Variants in MGAT4C observed in about 807,000 individuals in gnomAD.
The protein encoded by MGAT4C is MGAT4 family member C.
In MGAT4C, 19 loss-of-function variants were observed where a neutral mutation model predicts 40.1. That is an observed-to-expected ratio of 0.47 (90% CI 0.33 to 0.70). The LOEUF (loss-of-function observed/expected upper bound fraction) is 0.70, where lower values mean the gene tolerates loss of function less well. Ranked by LOEUF, MGAT4C falls within the 30% of genes least tolerant of loss-of-function variation. The pLI is 0.02. For synonymous variants in MGAT4C, 181 were observed against 187.1 expected (o/e 0.97, Z 0.27); for missense variants, 491 against 563.2 (o/e 0.87, Z 1.30).
At chr12:86,655,258 T>A (rs1963816250) in intron 2 of MGAT4C, among the ~76,000 whole-genome samples, 1 of 152,014 alleles carries the variant, frequency 6.6e-6, no homozygotes, top group African/African-American at 2.4e-5. Flanking sequence ...TGGTAATTCC[T>A]CAAGGATCTA....
rs1314250382 is a variant in MGAT4C at position 86,764,003 on chromosome 12, A to G, written c.-261-36762T>C. Reference sequence around the variant, plus strand: ...GGTTCATATCACTAGGGAGTGCCAGACAGTTGGTGCGGGGCAGTGGGTGGG... The same window carrying G: ...GGTTCATATCACTAGGGAGTGCCAGGCAGTTGGTGCGGGGCAGTGGGTGGG... On this transcript the variant is annotated intron_variant, in intron 1 of 7. Transcript: ENST00000548651. 2.0e-5 allele frequency among the ~76,000 whole-genome samples: 3 copies of G among 152,094 alleles called. No homozygotes were observed. In the East Asian group the frequency reaches 5.8e-4, roughly 29 times the overall value.
At chr12:86,447,175 G>A (rs956010946) in intron 2 of MGAT4C, among the ~76,000 whole-genome samples, 1 of 152,070 alleles carries the variant, frequency 6.6e-6, no homozygotes, top group Non-Finnish European at 1.5e-5. Context: ...GCCCAGGCTG[G>A]AGTGCAATGG....
At chr12:86,475,698 A>C (rs1004845575) in intron 2 of MGAT4C, among the ~76,000 whole-genome samples, 3 of 152,036 alleles carry the variant, frequency 2.0e-5, no homozygotes, top group Admixed American at 1.3e-4. Context: ...ATTTATGTTA[A>C]TAGAAAAGCA....
intron 4 of MGAT4C, among the ~76,000 whole-genome samples, chr12:86,264,985 ATCT>A (rs1251094328): frequency 6.6e-6 from 1 of 152,142 alleles, no homozygotes; most frequent in Non-Finnish European, 1.5e-5. Flanking sequence ...GGCATCTCCA[ATCT>A]TCTGGGCGCT....
chr12:86,500,481 T>A (rs116165058), intron 2 of MGAT4C, among the ~76,000 whole-genome samples: 4,157 of 151,762 alleles, frequency 0.027, 157 homozygotes, highest in African/African-American at 0.087. Context: ...TTAAATTTTA[T>A]ATTAAATGAA....
chr12:86,319,572 AATGGT>A (rs1954328239), intron 4 of MGAT4C, among the ~76,000 whole-genome samples: 1 of 152,180 alleles, frequency 6.6e-6, no homozygotes, highest in Non-Finnish European at 1.5e-5. Context: ...TTCTGTCAAG[AATGGT>A]AATACTTGTT....
chr12:86,105,324 A>G (rs554233298), intron 1 of MGAT4C, among the ~76,000 whole-genome samples: 117 of 152,252 alleles, frequency 7.7e-4, no homozygotes, highest in African/African-American at 2.4e-3. Context: ...ACAAAACATC[A>G]TGAACAACAA....
chr12:86,725,077 A>G (rs1950799778), intron 2 of MGAT4C, among the ~76,000 whole-genome samples: 1 of 152,262 alleles, frequency 6.6e-6, no homozygotes, highest in Non-Finnish European at 1.5e-5. Flanking sequence ...ACAGTGATTA[A>G]TAGCTTAACA....
chr12:86,523,019 T>C (rs780901336), intron 2 of MGAT4C, among the ~76,000 whole-genome samples: 9 of 152,234 alleles, frequency 5.9e-5, no homozygotes, highest in Non-Finnish European at 1.2e-4. Flanking sequence ...GCTGGTATTC[T>C]ATCTGTTTCA....
chr12:86,204,557 A>T (rs1566141657), intron 1 of MGAT4C, among the ~76,000 whole-genome samples: 1 of 152,186 alleles, frequency 6.6e-6, no homozygotes, highest in Non-Finnish European at 1.5e-5. Flanking sequence ...GAAACAGCAT[A>T]CAACTTTCAA....
At chr12:86,773,942 CTTCTTTTTTTT>C (rs1375402866) in intron 1 of MGAT4C, among the ~76,000 whole-genome samples, 7 of 106,520 alleles carry the variant, frequency 6.6e-5, no homozygotes, top group East Asian at 3.0e-4. Context: ...TTTAAAGTAA[CTTCTTTTTTTT>C]TTTTTTTTTT....
At chr12:86,708,997 A>C (rs1253790062) in intron 2 of MGAT4C, among the ~76,000 whole-genome samples, 1 of 152,170 alleles carries the variant, frequency 6.6e-6, no homozygotes, top group Non-Finnish European at 1.5e-5. Context: ...TTGGGAAGGC[A>C]TGATTAGTTT....
At chr12:86,762,394 C>T (rs936511473) in intron 1 of MGAT4C, among the ~76,000 whole-genome samples, 5 of 152,052 alleles carry the variant, frequency 3.3e-5, no homozygotes, top group Admixed American at 6.6e-5. Context: ...CTTTTCCAAA[C>T]TCATTCATGT....
At chr12:86,748,728 G>A (rs1165625286) in intron 1 of MGAT4C, among the ~76,000 whole-genome samples, 1 of 151,496 alleles carries the variant, frequency 6.6e-6, no homozygotes, top group Non-Finnish European at 1.5e-5. Flanking sequence ...TATAAGATGT[G>A]AATTTGACTA....
At chr12:86,257,603 A>C (rs1015357904), upstream of MGAT4C, among the ~76,000 whole-genome samples, 1 of 152,256 alleles carries the variant, frequency 6.6e-6, no homozygotes, top group Non-Finnish European at 1.5e-5. Flanking sequence ...TAATGGATTC[A>C]GGGCAAATAC....
chr12:86,739,133 C>CAAAAAAAAAAAAAAAAAAA lies in MGAT4C; in HGVS notation c.-261-11911_-261-11893dup, dbSNP rs59869666. Among the ~76,000 whole-genome samples the CAAAAAAAAAAAAAAAAAAA allele has an allele frequency of 1.8e-4, 7 of 39,786 alleles. 1 individual carries two copies. The highest frequency in any genetic ancestry group is 3.2e-4 in the African/African-American group (3 of 9,504). The allele number at this position is 39,786 out of a possible 152,430, so 26.1% of individuals were successfully genotyped here. ...TTTAATTCAGCTATGTTTCCCTGTG[C>CAAAAAAAAAAAAAAAAAAA]AAAAAAAAAAAAAAAAAAAAAAAAA... On this transcript the variant is annotated intron_variant, in intron 1 of 7. Transcript: ENST00000548651.
chr12:86,565,417 T>C (rs967068558), intron 2 of MGAT4C, among the ~76,000 whole-genome samples: 29 of 152,200 alleles, frequency 1.9e-4, no homozygotes, highest in Admixed American at 4.6e-4. Flanking sequence ...CTGCAAGGTA[T>C]GCAGGCATTA....
intron 2 of MGAT4C, among the ~76,000 whole-genome samples, chr12:86,567,696 A>G (rs1035247560): frequency 6.6e-6 from 1 of 152,200 alleles, no homozygotes; most frequent in Non-Finnish European, 1.5e-5. Context: ...CAATGGGAAT[A>G]CAGAATGGGT....
chr12:86,239,489 A>G (rs1951690084), intron 1 of MGAT4C, among the ~76,000 whole-genome samples: 1 of 152,086 alleles, frequency 6.6e-6, no homozygotes, highest in South Asian at 2.1e-4. Context: ...ATTAATATCA[A>G]TTAAAATTAA....
Sources: gnomAD v4.1 joint callset for allele counts (sites outside exome capture counted in the v4.1 genomes callset) on GRCh38, gnomAD v4.1.1 for gene constraint, MANE v1.5 for transcripts, NCBI Gene and HGNC (gene_info 2026-07-23, HGNC 2026-07-21) for gene names.